Variants in EIF2AK1 observed in about 807,000 individuals in gnomAD.
EIF2AK1 encodes the protein eukaryotic translation initiation factor 2 alpha kinase 1.
Under a neutral mutation model 77.9 loss-of-function variants are expected in EIF2AK1, and 54 were observed. The observed-to-expected ratio is 0.69, with a 90% confidence interval of 0.56 to 0.87. EIF2AK1 has a LOEUF of 0.87. Among genes scored for constraint, EIF2AK1 ranks in the 40% least tolerant of loss-of-function variants. The pLI is 0.00. For synonymous variants in EIF2AK1, 314 were observed against 290.5 expected (o/e 1.08, Z -0.82); for missense variants, 810 against 768.6 (o/e 1.05, Z -0.64).
Position 6,032,818 on chromosome 7 carries a change from T to C in EIF2AK1, c.1333-3786A>G. 6.5e-7 allele frequency: 1 copy of C among 1,536,324 alleles called. No homozygotes were observed. Among genetic ancestry groups the C allele is most frequent in the East Asian group, 2.4e-5 (1 of 40,820 alleles). On this transcript the variant is annotated intron_variant, in intron 11 of 14. Transcript: ENST00000199389. The surrounding 1 kb of genome is among the most constrained non-coding windows in gnomAD (Gnocchi z 4.3). The stretch of plus-strand genomic sequence containing the variant: ...TAACTACACAGGGCCACTTGTAATG[T>C]GTTTTGTTTTCCCTCCAAAGCCGAC...
intron 14 of EIF2AK1, among the ~76,000 whole-genome samples, chr7:6,025,868 G>C (rs1384247641): frequency 1.3e-5 from 2 of 151,904 alleles, no homozygotes; most frequent in Non-Finnish European, 2.9e-5. Flanking sequence ...CCTAACATCA[G>C]GCAATCCTCC....
Position 6,049,978 on chromosome 7 carries a change from T to C in EIF2AK1, c.345A>G (p.Ser115=). 1 of 1,613,310 alleles carries C rather than the reference T, an allele frequency of 6.2e-7. No individual in the cohort carries two copies. The highest frequency in any genetic ancestry group is 8.5e-7 in the Non-Finnish European group (1 of 1,179,594). ...SSFTCSDEFS[S]LRLHHNRAIT... ...TAGCTCTGTTGTGATGTAGTCTCAA[T>C]GAGCTAAACTCGTCACTACAAGTGA... Residue 115 remains serine, a synonymous_variant, in exon 3 of 15, where the codon TCA becomes TCG. Transcript: ENST00000199389.
In EIF2AK1 at chr7:6,035,195, CA is replaced by C. The variant is rs57414585; in HGVS notation, c.1332+2228del. Among the ~76,000 whole-genome samples the C allele has an allele frequency of 2.8e-4, 41 of 144,902 alleles. No individual in the cohort carries two copies. Among genetic ancestry groups the C allele is most frequent in the African/African-American group, 7.3e-4 (29 of 39,682 alleles). Reference sequence around the variant, plus strand: ...TTGTATAAAAGTGAAAATAATTTTTCAAAAAAAAAAATTATATATACATAAA... The same window carrying C: ...TTGTATAAAAGTGAAAATAATTTTTCAAAAAAAAAATTATATATACATAAA... On this transcript the variant is annotated intron_variant, in intron 11 of 14. Transcript: ENST00000199389. The surrounding 1 kb of genome is among the most constrained non-coding windows in gnomAD (Gnocchi z 5.5).
intron 1 of EIF2AK1, chr7:6,058,093 T>A (rs1298194935): frequency 2.2e-6 from 1 of 455,294 alleles, no homozygotes; most frequent in Admixed American, 2.4e-5. Flanking sequence ...CTACCCCGTA[T>A]CTCCTAGTAA....
intron 1 of EIF2AK1, 128 bp from the exon 2 acceptor site, chr7:6,054,832 T>C: frequency 1.0e-6 from 1 of 963,242 alleles, no homozygotes; most frequent in South Asian, 1.8e-5. Flanking sequence ...AAAGAATAGT[T>C]ATGCTGAGTT....
chr7:6,039,980 G>A (rs986901620), intron 9 of EIF2AK1, among the ~76,000 whole-genome samples: 1 of 152,128 alleles, frequency 6.6e-6, no homozygotes, highest in Non-Finnish European at 1.5e-5. Flanking sequence ...TCCGTGACAA[G>A]AATTAATTCT....
In EIF2AK1 at chr7:6,026,819, T is replaced by C. The variant is rs2640; in HGVS notation, c.1673A>G (p.Lys558Arg). 99,903 of 1,614,046 alleles carry C rather than the reference T, an allele frequency of 0.062. 6,082 individuals are homozygous for C. Among genetic ancestry groups the C allele is most frequent in the East Asian group, 0.37 (16,422 of 44,860 alleles). ...CCTTCTCGTTAAGTGCTGGATATAC[T>C]TGGCTTGCACTGGACACCTTTTACG... ...SLRKRCPVQAKYIQHLTRRNS... is the reference protein window; with the variant it reads ...SLRKRCPVQARYIQHLTRRNS... Residue 558 changes from lysine (K) to arginine (R), a missense_variant, in exon 14 of 15, where the codon AAG becomes AGG. Coordinates refer to ENST00000199389, the MANE Select transcript of EIF2AK1 (RefSeq NM_014413.4).
At position 6,045,733 on chromosome 7, in the gene EIF2AK1, T is replaced by TTATATATATATA. The variant is rs57579824; in HGVS notation, c.630+326_630+337dup. Among the ~76,000 whole-genome samples, 67 of 138,038 alleles carry TTATATATATATA rather than the reference T, an allele frequency of 4.9e-4. 2 individuals carry two copies. In the South Asian group the frequency reaches 7.7e-3, roughly 16 times the overall value. 90.6% of individuals were successfully genotyped at this position (138,038 alleles called of 152,430 possible). ...TTAAGAAGTTAACATATTTTAAAAA[T>TTATATATATATA]TATATATATATATATATATAAATTA... On this transcript the variant is annotated intron_variant, in intron 6 of 14. Transcript: ENST00000199389.
chr7:6,023,343 C>T lies in EIF2AK1; in HGVS notation c.*1330G>A, dbSNP rs758577601. The T allele has an allele frequency of 3.1e-6, 5 of 1,609,856 alleles. No individual in the cohort carries two copies. The African/African-American group carries it at 5.4e-5, about 17-fold the overall frequency. On this transcript the variant is annotated 3_prime_UTR_variant, in exon 15 of 15. Coordinates refer to ENST00000199389, the MANE Select transcript of EIF2AK1 (RefSeq NM_014413.4). ...TGAAATTCAGCATCCAGACGATGTG[C>T]CCCATCGAAGGCGAAGGGAACATTG... is the stretch of plus-strand genomic sequence containing the variant.
chr7:6,034,897 A>G (rs1292996033), intron 11 of EIF2AK1, among the ~76,000 whole-genome samples: 3 of 151,994 alleles, frequency 2.0e-5, no homozygotes, highest in Non-Finnish European at 4.4e-5. Context: ...CTCCCTACAC[A>G]CTCACGCAGA....
chr7:6,023,781 A>G lies in EIF2AK1; in HGVS notation c.*892T>C. On this transcript the variant is annotated 3_prime_UTR_variant, in exon 15 of 15. Transcript: ENST00000199389. ...GTAAGGGGACTTGTATTAGAGTCAG[A>G]GTCTTTTTATTTAGGCCAGTTGTCA... 6.9e-6 allele frequency: 11 copies of G among 1,601,410 alleles called. No homozygotes were observed. The highest frequency in any genetic ancestry group is 1.3e-5 in the African/African-American group (1 of 74,880).
At chr7:6,031,283 A>AGTTCTAGAACT in intron 11 of EIF2AK1, 1 of 1,206,468 alleles carries the variant, frequency 8.3e-7, no homozygotes, top group Non-Finnish European at 1.2e-6. Context: ...ATTCTAGAAC[A>AGTTCTAGAACT]GTTCTAGAAC....
At chr7:6,025,128 C>T (rs1414951989) in intron 14 of EIF2AK1, among the ~76,000 whole-genome samples, 1 of 152,126 alleles carries the variant, frequency 6.6e-6, no homozygotes, top group African/African-American at 2.4e-5. Context: ...TGTGAGCCAC[C>T]ACACCCAGCC....
intron 2 of EIF2AK1, among the ~76,000 whole-genome samples, chr7:6,051,273 CT>C (rs34563208): frequency 0.017 from 2,336 of 137,394 alleles, 29 homozygotes; most frequent in African/African-American, 0.047. Flanking sequence ...TTTTTTCTTT[CT>C]TTTTTTTTTT....
chr7:6,049,870 G>C (rs759797265), intron 3 of EIF2AK1, 42 bp downstream of exon 3: 3 of 1,526,864 alleles, frequency 2.0e-6, no homozygotes, highest in Non-Finnish European at 1.8e-6. Context: ...TAAAATTAAA[G>C]TATATTTTTG....
chr7:6,041,148 T>G lies in EIF2AK1; in HGVS notation c.863A>C (p.Lys288Thr), dbSNP rs1788285403. ...GTCAGATTCTCCAAAGCGTTTTTCT[T>G]TTTCTGGGGTGGGCTCAGCAAAGAT... The part of the protein sequence containing the change: ...SIIFAEPTPE[K>T]EKRFGESDTE... Residue 288 changes from lysine (K) to threonine (T), a missense_variant, in exon 9 of 15, where the codon AAA becomes ACA. Transcript: ENST00000199389. 6.2e-7 allele frequency: 1 copy of G among 1,614,128 alleles called. No individual in the cohort carries two copies. Among genetic ancestry groups the G allele is most frequent in the Non-Finnish European group, 8.5e-7 (1 of 1,180,034 alleles).
intron 10 of EIF2AK1, among the ~76,000 whole-genome samples, 170 bp downstream of exon 10, chr7:6,038,390 G>A (rs1788167027): frequency 6.6e-6 from 1 of 152,076 alleles, no homozygotes; most frequent in African/African-American, 2.4e-5. Flanking sequence ...AGCAGTGGGT[G>A]TACAACTGCA....
chr7:6,053,526 A>G (rs933565614), intron 2 of EIF2AK1, among the ~76,000 whole-genome samples: 3 of 151,878 alleles, frequency 2.0e-5, no homozygotes, highest in Admixed American at 1.3e-4. Context: ...CACCATGCCC[A>G]GCTAATTTTT....
At chr7:6,031,131 A>C (rs1330032430) in intron 11 of EIF2AK1, among the ~76,000 whole-genome samples, 3 of 152,206 alleles carry the variant, frequency 2.0e-5, no homozygotes, top group Admixed American at 6.5e-5. Flanking sequence ...TAAAGGTGTA[A>C]GATGATAGCT....
Sources: gnomAD v4.1 joint callset for allele counts (sites outside exome capture counted in the v4.1 genomes callset) on GRCh38, gnomAD v4.1.1 for gene constraint, Gnocchi (gnomAD v3.1) non-coding constraint, MANE v1.5 for transcripts, NCBI Gene and HGNC (gene_info 2026-07-23, HGNC 2026-07-21) for gene names.